STAM: variants seen among roughly 807,000 people sequenced by gnomAD.
STAM encodes the protein signal transducing adaptor molecule, also known as signal transducing adapter molecule 1.
A neutral mutation model predicts 63.4 loss-of-function variants in STAM; 16 were observed. The observed-to-expected ratio is 0.25, with a 90% CI of 0.17 to 0.38. The LOEUF (loss-of-function observed/expected upper bound fraction) is 0.38, where lower values mean the gene tolerates loss of function less well. Among genes scored for constraint, STAM ranks in the 10% least tolerant of loss-of-function variants. The pLI, the probability that STAM is intolerant of heterozygous loss-of-function variation, is 1.00. For missense variants in STAM, 636 were observed against 657.1 expected (o/e 0.97, Z 0.35); for synonymous variants, 238 against 223.9 (o/e 1.06, Z -0.56).
chr10:17,687,505 A>AAAAAG lies in STAM; in HGVS notation c.298-508_298-504dup, dbSNP rs201917144. 7.2e-5 allele frequency among the ~76,000 whole-genome samples: 11 copies of AAAAAG among 151,768 alleles called. No individual in the cohort carries two copies. In the East Asian group the frequency reaches 1.9e-3, roughly 27 times the overall value. ...CTCTGTCTCAAAAAACAAACCAAAA[A>AAAAAG]AAAAGAAAAGAAAAGAAAGGAAAAA... On this transcript the variant is annotated intron_variant, in intron 4 of 13. Coordinates refer to ENST00000377524, the MANE Select transcript of STAM (RefSeq NM_003473.4).
At position 17,688,030 on chromosome 10, in the gene STAM, C is replaced by A; in HGVS notation, c.301C>A (p.His101Asn). The A allele has an allele frequency of 6.4e-7, 1 of 1,571,468 alleles. No homozygotes were observed. Among genetic ancestry groups the A allele is most frequent in the South Asian group, 1.2e-5 (1 of 82,622 alleles). The change falls in exon 5 of 14, where the codon CAT becomes AAT. Residue 101 changes from histidine to asparagine, a missense_variant. His to Asn is a moderately conservative substitution (Grantham distance 68). Around this residue, in one of 3 missense-constraint regions of STAM, gnomAD observed 532 missense variants for 536.9 expected, o/e 0.99. Transcript: ENST00000377524. Reference sequence around the variant, plus strand: ...TATTTCTTTTTCTATTTTACAGGGTCATCCTAAAGTATGTGAAAAATTAAA... The same window carrying A: ...TATTTCTTTTTCTATTTTACAGGGTAATCCTAAAGTATGTGAAAAATTAAA... ...SEVSNVLNKG[H>N]PKVCEKLKAL...
rs1459144164 is a variant in STAM, at chr10:17,667,126, T to TA, written c.125+6580dup. ...GCGGAAGTGTTCCAGCAGAGTTAAA[T>TA]AATTTTTTTTTTTTTTTGAGACAGA... On this transcript the variant is annotated intron_variant, in intron 2 of 13. Coordinates refer to ENST00000377524, the MANE Select transcript of STAM (RefSeq NM_003473.4). 2.9e-4 allele frequency among the ~76,000 whole-genome samples: 11 copies of TA among 38,576 alleles called. No individual in the cohort carries two copies. In the East Asian group the frequency reaches 4.3e-3, roughly 15 times the overall value. 25.3% of individuals were successfully genotyped at this position (38,576 alleles called of 152,430 possible).
Position 17,714,719 on chromosome 10 carries a change from C to T in STAM, c.1562C>T (p.Pro521Leu). The T allele has an allele frequency of 6.2e-7, 1 of 1,614,062 alleles. No homozygotes were observed. Among genetic ancestry groups the T allele is most frequent in the Non-Finnish European group, 8.5e-7 (1 of 1,180,024 alleles). Residue 521 changes from proline to leucine, a missense_variant, in exon 14 of 14, where the codon CCC (proline) becomes CTC (leucine). By Grantham distance (98) the Pro-to-Leu change is moderately conservative. This residue lies in a region of STAM where 532 missense variants were observed against 536.9 expected (regional missense o/e 0.99). Coordinates refer to ENST00000377524, the MANE Select transcript of STAM (RefSeq NM_003473.4). Reference protein sequence around the residue: ...YNLTSSTLPQPGGSQQPPQPQ... With the variant: ...YNLTSSTLPQLGGSQQPPQPQ... ...TTAACATCATCAACTCTGCCTCAGC[C>T]CGGAGGCAGCCAACAGCCACCTCAG...
At chr10:17,686,638 A>G (rs1391297993) in intron 4 of STAM, among the ~76,000 whole-genome samples, 2 of 152,138 alleles carry the variant, frequency 1.3e-5, no homozygotes, top group African/African-American at 2.4e-5. Context: ...CGGCCTTCCA[A>G]AGTGCTGGGA....
At chr10:17,700,606 A>G (rs1271599326) in intron 9 of STAM, among the ~76,000 whole-genome samples, 4 of 149,434 alleles carry the variant, frequency 2.7e-5, no homozygotes, top group African/African-American at 9.8e-5. Context: ...TTTTTTGAAC[A>G]TCTATCTTTG....
At chr10:17,651,794 C>T (rs1554821587) in intron 1 of STAM, among the ~76,000 whole-genome samples, 1 of 152,168 alleles carries the variant, frequency 6.6e-6, no homozygotes, top group African/African-American at 2.4e-5. Flanking sequence ...TTTCCATTGG[C>T]CATTTTTAAT....
intron 2 of STAM, among the ~76,000 whole-genome samples, chr10:17,668,170 C>G (rs1419802763): frequency 6.6e-6 from 1 of 152,054 alleles, no homozygotes; most frequent in East Asian, 1.9e-4. Context: ...AGGCAGTGAT[C>G]CAGTAGCTAA....
At chr10:17,662,023 C>G (rs537149447) in intron 2 of STAM, among the ~76,000 whole-genome samples, 184 of 152,180 alleles carry the variant, frequency 1.2e-3, no homozygotes, top group African/African-American at 4.2e-3. Context: ...TTTATTTGTC[C>G]TACTTTACTT....
chr10:17,703,330 A>AG (rs1198343746), intron 9 of STAM, among the ~76,000 whole-genome samples: 1 of 149,332 alleles, frequency 6.7e-6, no homozygotes, highest in African/African-American at 2.5e-5. Flanking sequence ...ACTTGGGAAG[A>AG]GTTTTTTTTT....
rs114719238 is a variant in STAM, at chr10:17,716,489, T to G, written c.*1709T>G. On this transcript the variant is annotated 3_prime_UTR_variant, in exon 14 of 14. Coordinates refer to ENST00000377524, the MANE Select transcript of STAM (RefSeq NM_003473.4). ...TGCCCTGAAGTCAAATTTCACATTT[T>G]AAATACTATAAGTTAGTTTTTGATA... Among the ~76,000 whole-genome samples, 846 of 152,264 alleles carry G rather than the reference T, an allele frequency of 5.6e-3. 7 individuals carry two copies. The highest frequency in any genetic ancestry group is 0.02 in the African/African-American group (811 of 41,556).
At chr10:17,660,204 AT>A (rs1247097350) in intron 1 of STAM, among the ~76,000 whole-genome samples, 1 of 152,116 alleles carries the variant, frequency 6.6e-6, no homozygotes, top group Non-Finnish European at 1.5e-5. Context: ...CCTATATATA[AT>A]TTTTTTATAA....
In STAM at chr10:17,685,965, T is replaced by C. The variant is rs150748128; in HGVS notation, c.297+1038T>C. 8.2e-4 allele frequency among the ~76,000 whole-genome samples: 125 copies of C among 152,300 alleles called. 1 individual carries two copies. The highest frequency in any genetic ancestry group is 4.4e-3 in the East Asian group (23 of 5,186). ...TGTAAATCAAGAAAAAGTTTTTGTATGTTAAAAGGGAAAATGCCTCATGTT... is the reference window on the plus strand; with the variant it reads ...TGTAAATCAAGAAAAAGTTTTTGTACGTTAAAAGGGAAAATGCCTCATGTT... On this transcript the variant is annotated intron_variant, in intron 4 of 13. Transcript: ENST00000377524.
chr10:17,645,333 T>G (rs1296127453), intron 1 of STAM, among the ~76,000 whole-genome samples: 2 of 152,190 alleles, frequency 1.3e-5, no homozygotes, highest in African/African-American at 4.8e-5. Flanking sequence ...TGAATTTACT[T>G]GTCTTTGTGT....
chr10:17,677,135 G>T (rs114722365), intron 2 of STAM, among the ~76,000 whole-genome samples: 1,760 of 152,230 alleles, frequency 0.012, 29 homozygotes, highest in African/African-American at 0.04. Flanking sequence ...TAATGGTTCA[G>T]TAGCCAATTT....
At position 17,714,548 on chromosome 10, in the gene STAM, T is replaced by C. The variant is rs1417675013; in HGVS notation, c.1391T>C (p.Met464Thr). 1.9e-6 allele frequency: 3 copies of C among 1,613,938 alleles called. No homozygotes were observed. The highest frequency in any genetic ancestry group is 1.7e-6 in the Non-Finnish European group (2 of 1,179,908). The change falls in exon 14 of 14, where the codon ATG becomes ACG. Residue 464 changes from methionine to threonine, a missense_variant. Around this residue, in one of 3 missense-constraint regions of STAM, gnomAD observed 532 missense variants for 536.9 expected, o/e 0.99. Coordinates refer to ENST00000377524, the MANE Select transcript of STAM (RefSeq NM_003473.4). ...QQTQAAYPNT[M>T]VSSVQGNTYP... ...GTGTTTTTCTTCCTCCACAGTACAA[T>C]GGTCAGTTCCGTTCAAGGAAACACA...
chr10:17,695,370 G>A, intron 7 of STAM, 129 bp downstream of exon 7: 1 of 818,166 alleles, frequency 1.2e-6, no homozygotes, highest in African/African-American at 1.8e-5. Context: ...CTGTATGACA[G>A]TTGGCTGATT....
At chr10:17,687,250 G>A (rs1430688654) in intron 4 of STAM, among the ~76,000 whole-genome samples, 3 of 152,104 alleles carry the variant, frequency 2.0e-5, no homozygotes, top group South Asian at 4.1e-4. Flanking sequence ...TGAGGCGGGC[G>A]AATCAGTTGG....
chr10:17,657,952 A>C (rs1554822372), intron 1 of STAM, among the ~76,000 whole-genome samples: 2 of 149,156 alleles, frequency 1.3e-5, no homozygotes, highest in Non-Finnish European at 3.0e-5. Flanking sequence ...TATTGGTCTT[A>C]TGTTCAGATT....
intron 2 of STAM, among the ~76,000 whole-genome samples, chr10:17,665,848 C>T (rs1383453886): frequency 2.0e-5 from 3 of 151,956 alleles, no homozygotes; most frequent in Non-Finnish European, 2.9e-5. Context: ...TTTTTTCTAA[C>T]GTCTCAAGAT....
Sources: gnomAD v4.1 joint callset for allele counts (sites outside exome capture counted in the v4.1 genomes callset) on GRCh38, gnomAD v4.1.1 for gene constraint, gnomAD v4.1.1 regional missense constraint, MANE v1.5 for transcripts, NCBI Gene and HGNC (gene_info 2026-07-23, HGNC 2026-07-21) for gene names.